The following AGRN variants were observed in gnomAD, a reference collection of about 807,000 sequenced individuals.
AGRN encodes agrin proteoglycan.
AGRN carries 106 observed loss-of-function variants against 211.0 expected under a neutral mutation model. The ratio of observed to expected loss-of-function variants is 0.50; its 90% CI spans 0.43 to 0.59. The LOEUF (loss-of-function observed/expected upper bound fraction) is 0.59, where lower values mean the gene tolerates loss of function less well. Ranked by LOEUF, AGRN falls within the 20% of genes least tolerant of loss-of-function variation. The pLI is 0.00. For synonymous variants in AGRN, 1,525 were observed against 1,332.5 expected, an observed-to-expected ratio of 1.14 and a Z score of -3.15; for missense variants, 3,040 against 2,982.6, an observed-to-expected ratio of 1.02 and a Z score of -0.45.
intron 22 of AGRN, 53 bp downstream of exon 22, chr1:1,047,948 C>T (rs2100666959): frequency 1.9e-6 from 3 of 1,584,044 alleles, no homozygotes. Context: ...CTGCCCATGC[C>T]CCTGCCCCTC....
chr1:1,045,544 C>A, intron 14 of AGRN, 21 bp downstream of exon 14: 2 of 1,611,670 alleles, frequency 1.2e-6, no homozygotes, highest in Non-Finnish European at 1.7e-6. Flanking sequence ...GGGCCCAGGA[C>A]TGGCCACCGG....
Position 1,043,242 on chromosome 1 carries a change from A to G in AGRN, c.1388A>G (p.Gln463Arg). ...TGAGCCCCTGTGTCCTTCCCAGACC[A>G]GGCCCCGTCCCCATGCCTCGGGGTG... ...IPSKHQGPCDQAPSPCLGVQC... is the reference protein window; with the variant it reads ...IPSKHQGPCDRAPSPCLGVQC... Residue 463 changes from glutamine to arginine, a missense_variant, in exon 8 of 36, where the codon CAG becomes CGG. Gln to Arg is a conservative substitution (Grantham distance 43). Transcript: ENST00000379370. 6.2e-7 allele frequency: 1 copy of G among 1,602,714 alleles called. No individual in the cohort carries two copies. Among genetic ancestry groups the G allele is most frequent in the Non-Finnish European group, 8.5e-7 (1 of 1,176,142 alleles).
Position 1,049,809 on chromosome 1 carries a change from CG to C in AGRN, c.4744+18del. The C allele has an allele frequency of 6.2e-7, 1 of 1,604,172 alleles. No individual in the cohort carries two copies. Among genetic ancestry groups the C allele is most frequent in the Non-Finnish European group, 8.5e-7 (1 of 1,175,936 alleles). ...CCGGCCGCGTCGGTGAGGGTGGGGC[CG>C]GGGCGGGTGGGAGTGGGACCCCGGG... On this transcript the variant is annotated intron_variant, in intron 26 of 35. Transcript: ENST00000379370.
Position 1,043,853 on chromosome 1 carries a change from G to A in AGRN, c.1829G>A (p.Gly610Glu). The A allele has an allele frequency of 6.2e-7, 1 of 1,611,416 alleles. No individual in the cohort carries two copies. The highest frequency in any genetic ancestry group is 8.5e-7 in the Non-Finnish European group (1 of 1,179,800). The change falls in exon 10 of 36, where the codon GGG (glycine) becomes GAG (glutamate). Residue 610 changes from glycine to glutamate, a missense_variant. Gly to Glu is a moderately conservative substitution (Grantham distance 98, BLOSUM62 -2). Coordinates refer to ENST00000379370, the MANE Select transcript of AGRN (RefSeq NM_198576.4). ...ETCGDAVCAF[G>E]AVCSAGQCVC... ...TGTGGAGATGCCGTGTGTGCTTTTG[G>A]GGCTGTGTGCTCCGCAGGGCAGTGT...
intron 2 of AGRN, among the ~76,000 whole-genome samples, chr1:1,033,065 G>T (rs111366844): frequency 6.6e-6 from 1 of 151,932 alleles, no homozygotes; most frequent in Non-Finnish European, 1.5e-5. Flanking sequence ...GCCCCGGGCC[G>T]CAGTGACGTC....
rs142242736 is a variant in AGRN at position 1,051,807 on chromosome 1, G to A, written c.5643G>A (p.Val1881=). The A allele has an allele frequency of 1.2e-4, 186 of 1,613,666 alleles. No individual in the cohort carries two copies. In the African/African-American group the frequency reaches 2.1e-3, roughly 18 times the overall value. Residue 1881 remains valine, a synonymous_variant, in exon 33 of 36, where the codon GTG becomes GTA. Transcript: ENST00000379370. ...GRTFVEYLNA[V]TESEKALQSN... Reference sequence around the variant, plus strand: ...CCTTTGTCGAGTACCTCAACGCTGTGACCGAGAGGTAACGTGCCATCCTCT... The same window carrying A: ...CCTTTGTCGAGTACCTCAACGCTGTAACCGAGAGGTAACGTGCCATCCTCT...
rs752784582 is a variant in AGRN, at chr1:1,047,717, G to A, written c.3631+30G>A. On this transcript the variant is annotated intron_variant, in intron 21 of 35. Coordinates refer to ENST00000379370, the MANE Select transcript of AGRN (RefSeq NM_198576.4). Reference sequence around the variant, plus strand: ...GACCTGCACCCTGGACCCTTCCTGGGAGGCAATGGGTGGGGGATGCCTGGG... The same window carrying A: ...GACCTGCACCCTGGACCCTTCCTGGAAGGCAATGGGTGGGGGATGCCTGGG... The A allele has an allele frequency of 2.5e-6, 4 of 1,612,764 alleles. No homozygotes were observed. The East Asian group carries it at 8.9e-5, about 36-fold the overall frequency.
intron 12 of AGRN, 45 bp downstream of exon 12, chr1:1,044,484 T>C: frequency 6.4e-7 from 1 of 1,557,778 alleles, no homozygotes; most frequent in Non-Finnish European, 8.7e-7. Flanking sequence ...CGGGGCGGCG[T>C]CTGGGTTTCC....
At position 1,031,911 on chromosome 1, in the gene AGRN, G is replaced by A. The variant is rs1426995029; in HGVS notation, c.464-3366G>A. ...CTCAGAGCTGGGAGGTGAGAAATGG[G>A]GAATGCATGTGAACCACCTGCCTCT... On this transcript the variant is annotated intron_variant, in intron 2 of 35. Coordinates refer to ENST00000379370, the MANE Select transcript of AGRN (RefSeq NM_198576.4). The surrounding 1 kb of genome is among the most constrained non-coding windows in gnomAD (Gnocchi z 4.8). 1.3e-5 allele frequency among the ~76,000 whole-genome samples: 2 copies of A among 152,218 alleles called. No homozygotes were observed. The highest frequency in any genetic ancestry group is 2.4e-5 in the African/African-American group (1 of 41,452).
At chr1:1,049,118 G>T in intron 24 of AGRN, 59 bp downstream of exon 24, 2 of 946,240 alleles carry the variant, frequency 2.1e-6, no homozygotes, top group South Asian at 1.9e-5. Context: ...GGACGGGCGG[G>T]GGAGGGGGGG....
Position 1,032,988 on chromosome 1 carries a change from G to C in AGRN, c.464-2289G>C, listed in dbSNP as rs969326618. Among the ~76,000 whole-genome samples, 1 of 152,044 alleles carries C rather than the reference G, an allele frequency of 6.6e-6. No individual in the cohort carries two copies. The highest frequency in any genetic ancestry group is 2.4e-5 in the African/African-American group (1 of 41,384). On this transcript the variant is annotated intron_variant, in intron 2 of 35. Coordinates refer to ENST00000379370, the MANE Select transcript of AGRN (RefSeq NM_198576.4). The surrounding 1 kb of genome is among the most constrained non-coding windows in gnomAD (Gnocchi z 4.7). ...GCGGCCAGGGAGAGGGGCGACCTACGGGGGCGGGTGTGGGGACGCCGGACT... is the reference window on the plus strand; with the variant it reads ...GCGGCCAGGGAGAGGGGCGACCTACCGGGGCGGGTGTGGGGACGCCGGACT...
chr1:1,030,836 CTG>C (rs1191413180), intron 2 of AGRN, among the ~76,000 whole-genome samples: 2 of 105,550 alleles, frequency 1.9e-5, no homozygotes, highest in East Asian at 3.3e-4. Context: ...GTGCATGGTG[CTG>C]TGAGATCAGC....
Position 1,046,243 on chromosome 1 carries a change from C to A in AGRN, c.2889C>A (p.Ile963=). The part of the protein sequence containing the change: ...IACRQGLQIS[I]QSLGPCQEAV... ...GCCGCCAGGGCCTGCAAATCTCTATCCAGAGCCTGGGCCCGTGCCAGGGTG... is the reference window on the plus strand; with the variant it reads ...GCCGCCAGGGCCTGCAAATCTCTATACAGAGCCTGGGCCCGTGCCAGGGTG... Residue 963 remains isoleucine (I), a synonymous_variant, in exon 17 of 36, where the codon ATC becomes ATA. Transcript: ENST00000379370. 1 of 1,613,570 alleles carries A rather than the reference C, an allele frequency of 6.2e-7. No individual in the cohort carries two copies. Among genetic ancestry groups the A allele is most frequent in the Non-Finnish European group, 8.5e-7 (1 of 1,179,994 alleles).
Position 1,043,472 on chromosome 1 carries a change from A to T in AGRN, c.1603+15A>T, listed in dbSNP as rs768662395. On this transcript the variant is annotated intron_variant, in intron 8 of 35. Coordinates refer to ENST00000379370, the MANE Select transcript of AGRN (RefSeq NM_198576.4). ...AGGACCCTGTGGTCAGTGGCGGGTG[A>T]GGGGTCTGGTGGGGGTCGGGGAGAG... 6.3e-7 allele frequency: 1 copy of T among 1,581,324 alleles called. No individual in the cohort carries two copies. The highest frequency in any genetic ancestry group is 1.8e-5 in the Admixed American group (1 of 56,466).
In AGRN at chr1:1,047,848, TG is replaced by T; in HGVS notation, c.3709del (p.Val1237Ter). 6.2e-7 allele frequency: 1 copy of T among 1,606,118 alleles called. No individual in the cohort carries two copies. The highest frequency in any genetic ancestry group is 8.5e-7 in the Non-Finnish European group (1 of 1,177,142). Reference sequence around the variant, plus strand: ...ATCCAGGTGTCCAGGCGCCGGTCCTTGGGGGTGAGGCGGCCGCTGCAGGAGC... The same window carrying T: ...ATCCAGGTGTCCAGGCGCCGGTCCTTGGGGTGAGGCGGCCGCTGCAGGAGC... ...RQIQVSRRRS[L>X]GVRRPLQEHV... On this transcript the variant is annotated frameshift_variant, in exon 22 of 36. Transcript: ENST00000379370. LOFTEE classifies it high-confidence loss of function.
At chr1:1,028,536 G>A (rs1644574048) in intron 2 of AGRN, among the ~76,000 whole-genome samples, 1 of 141,162 alleles carries the variant, frequency 7.1e-6, no homozygotes. Context: ...CCCCTCATGG[G>A]CCAAGGGCAC....
At position 1,045,835 on chromosome 1, in the gene AGRN, G is replaced by A; in HGVS notation, c.2639G>A (p.Cys880Tyr). The A allele has an allele frequency of 1.2e-6, 2 of 1,612,332 alleles. No individual in the cohort carries two copies. Among genetic ancestry groups the A allele is most frequent in the Non-Finnish European group, 1.7e-6 (2 of 1,179,888 alleles). The stretch of plus-strand genomic sequence containing the variant: ...GTGGCTGGACCCAAGTGTGGGCAGT[G>A]TCCAGACGGCCGTGCCCTGGGCCCC... ...PGVAGPKCGQ[C>Y]PDGRALGPAG... Residue 880 changes from cysteine (C) to tyrosine (Y), a missense_variant, in exon 15 of 36, where the codon TGT (cysteine) becomes TAT (tyrosine). Coordinates refer to ENST00000379370, the MANE Select transcript of AGRN (RefSeq NM_198576.4).
intron 1 of AGRN, among the ~76,000 whole-genome samples, chr1:1,020,575 C>A (rs1326535594): frequency 6.6e-6 from 1 of 152,112 alleles, no homozygotes; most frequent in Non-Finnish European, 1.5e-5. Context: ...CGCCGCCGTC[C>A]TCCGCCCGCC....
chr1:1,041,558 C>T lies in AGRN; in HGVS notation c.1033C>T (p.Arg345Trp), dbSNP rs745852173. ...PRTRRPEMLL[R>W]PESCPARQAP... Reference sequence around the variant, plus strand: ...CACGCGGCGCCCTGAGATGCTCCTACGGCCCGAGAGCTGCCCTGCCCGGCA... The same window carrying T: ...CACGCGGCGCCCTGAGATGCTCCTATGGCCCGAGAGCTGCCCTGCCCGGCA... The change falls in exon 6 of 36, where the codon CGG (arginine) becomes TGG (tryptophan). Residue 345 changes from arginine to tryptophan, a missense_variant. Physicochemically the swap from Arg to Trp is moderately radical, Grantham distance 101. Around this residue, in one of 3 missense-constraint regions of AGRN, gnomAD observed 1,498 missense variants for 1,457.8 expected, o/e 1.03. Transcript: ENST00000379370. The T allele has an allele frequency of 5.6e-6, 9 of 1,608,816 alleles. No individual in the cohort carries two copies. The highest frequency in any genetic ancestry group is 1.7e-4 in the Middle Eastern group (1 of 6,060).
Sources: allele counts gnomAD v4.1 joint callset (sites outside exome capture counted in the v4.1 genomes callset), GRCh38; gene constraint gnomAD v4.1.1; regional missense constraint gnomAD v4.1.1; non-coding constraint Gnocchi (gnomAD v3.1); transcripts MANE v1.5; gene names NCBI Gene and HGNC (gene_info 2026-07-23, HGNC 2026-07-21).